Variants in NSFL1C observed in about 807,000 individuals in gnomAD.
The protein encoded by NSFL1C is NSFL1 cofactor.
A neutral mutation model predicts 43.1 loss-of-function variants in NSFL1C; 14 were observed. The ratio of observed to expected loss-of-function variants is 0.32; its 90% CI spans 0.21 to 0.51. The LOEUF is 0.51. Ranked by LOEUF, NSFL1C falls within the 20% of genes least tolerant of loss-of-function variation. NSFL1C has a pLI of 0.98. For missense variants in NSFL1C, 406 were observed against 472.5 expected, an observed-to-expected ratio of 0.86 and a Z score of 1.30; for synonymous variants, 171 against 183.5, an observed-to-expected ratio of 0.93 and a Z score of 0.55.
intron 7 of NSFL1C, among the ~76,000 whole-genome samples, chr20:1,449,164 T>C (rs904954331): frequency 6.6e-6 from 1 of 152,074 alleles, no homozygotes; most frequent in Admixed American, 6.5e-5. Context: ...AGAATGGGGA[T>C]TAAAACAGGA....
chr20:1,451,548 A>G (rs2090181336), intron 7 of NSFL1C, among the ~76,000 whole-genome samples: 1 of 152,168 alleles, frequency 6.6e-6, no homozygotes, highest in South Asian at 2.1e-4. Context: ...AATATCCAAG[A>G]GCCTCAGCTT....
At chr20:1,464,888 A>G (rs1360943115) in intron 1 of NSFL1C, among the ~76,000 whole-genome samples, 3 of 152,206 alleles carry the variant, frequency 2.0e-5, no homozygotes, top group African/African-American at 4.8e-5. Context: ...TAAAGAGAGG[A>G]GCCAGGTTCC....
At chr20:1,450,721 C>A (rs1452257392) in intron 7 of NSFL1C, among the ~76,000 whole-genome samples, 1 of 152,148 alleles carries the variant, frequency 6.6e-6, no homozygotes, top group East Asian at 1.9e-4. Flanking sequence ...CCTTTTGAAA[C>A]AATAATCATA....
intron 2 of NSFL1C, chr20:1,464,008 C>A (rs894138540): frequency 6.6e-6 from 2 of 303,054 alleles, no homozygotes; most frequent in Non-Finnish European, 1.2e-5. Context: ...ACATCTATAG[C>A]ACCCTTGAAA....
chr20:1,443,727 G>A lies in NSFL1C; in HGVS notation c.*22C>T, dbSNP rs1372029657. On this transcript the variant is annotated 3_prime_UTR_variant, in exon 9 of 9. Coordinates refer to ENST00000216879, the MANE Select transcript of NSFL1C (RefSeq NM_016143.5). ...CTGGCCATGGGAAACACAGGAGGGAGGCCAGGCAGCTGGCTGGGCGGTTAT... is the reference window on the plus strand; with the variant it reads ...CTGGCCATGGGAAACACAGGAGGGAAGCCAGGCAGCTGGCTGGGCGGTTAT... The A allele has an allele frequency of 2.5e-6, 4 of 1,612,148 alleles. No homozygotes were observed. Among genetic ancestry groups the A allele is most frequent in the Non-Finnish European group, 3.4e-6 (4 of 1,178,544 alleles).
intron 3 of NSFL1C, among the ~76,000 whole-genome samples, chr20:1,457,646 T>C (rs1258106027): frequency 2.6e-5 from 4 of 152,342 alleles, no homozygotes; most frequent in African/African-American, 9.6e-5. Context: ...TTGTTCTAGA[T>C]TGGAATTGTT....
At chr20:1,459,464 A>G (rs2090368445) in intron 2 of NSFL1C, among the ~76,000 whole-genome samples, 1 of 152,220 alleles carries the variant, frequency 6.6e-6, no homozygotes, top group Non-Finnish European at 1.5e-5. Flanking sequence ...TTTTCTTCAT[A>G]AATTACCTAG....
intron 7 of NSFL1C, among the ~76,000 whole-genome samples, chr20:1,446,757 G>C (rs987181583): frequency 2.6e-5 from 4 of 152,132 alleles, no homozygotes; most frequent in African/African-American, 9.7e-5. Flanking sequence ...TTCACTCCCA[G>C]TCTTTCTCTT....
At chr20:1,446,942 T>C (rs1267240729) in intron 7 of NSFL1C, among the ~76,000 whole-genome samples, 3 of 152,076 alleles carry the variant, frequency 2.0e-5, no homozygotes, top group Non-Finnish European at 4.4e-5. Flanking sequence ...GTGTGTTCCA[T>C]AGGAAGGAAG....
At chr20:1,458,834 T>C (rs1435869546) in intron 2 of NSFL1C, among the ~76,000 whole-genome samples, 2 of 151,900 alleles carry the variant, frequency 1.3e-5, no homozygotes, top group African/African-American at 4.8e-5. Context: ...GAAGTAGGAA[T>C]GAATGAATAC....
intron 7 of NSFL1C, among the ~76,000 whole-genome samples, chr20:1,450,418 T>C (rs1160019732): frequency 2.0e-5 from 3 of 152,212 alleles, no homozygotes; most frequent in Non-Finnish European, 4.4e-5. Context: ...GTGAACACTT[T>C]GTTGATAAAC....
chr20:1,447,507 A>G (rs2090085285), intron 7 of NSFL1C, among the ~76,000 whole-genome samples: 1 of 151,692 alleles, frequency 6.6e-6, no homozygotes, highest in Non-Finnish European at 1.5e-5. Context: ...GGCCCAAAGC[A>G]ATTCTTCCAA....
chr20:1,466,764 C>A lies in NSFL1C; in HGVS notation c.61G>T (p.Asp21Tyr). 1 of 1,563,530 alleles carries A rather than the reference C, an allele frequency of 6.4e-7. No individual in the cohort carries two copies. The highest frequency in any genetic ancestry group is 2.4e-5 in the East Asian group (1 of 41,334). ...GACTCGAGAAAGAAGCGGGCCCGGT[C>A]CTCCTCGGCGCCCGTCACCGCCACG... ...EFVAVTGAEEDRARFFLESAG... is the reference protein window; with the variant it reads ...EFVAVTGAEEYRARFFLESAG... The change falls in exon 1 of 9, where the codon GAC becomes TAC. Residue 21 changes from aspartate (D) to tyrosine (Y), a missense_variant. By Grantham distance (160) the Asp-to-Tyr change is radical. Transcript: ENST00000216879.
chr20:1,455,608 C>T (rs2090281578), intron 3 of NSFL1C: 1 of 775,936 alleles, frequency 1.3e-6, no homozygotes, highest in Admixed American at 1.7e-5. Context: ...AGCTAGGCTC[C>T]AGTCTTGGCT....
chr20:1,443,401 A>G lies in NSFL1C; in HGVS notation c.*348T>C, dbSNP rs2089990428. The G allele has an allele frequency of 5.3e-6, 1 of 188,238 alleles. No individual in the cohort carries two copies. The highest frequency in any genetic ancestry group is 5.5e-5 in the Admixed American group (1 of 18,314). 11.7% of individuals were successfully genotyped at this position (188,238 alleles called of 1,614,324 possible). ...TGCCACAAGTTTTTATGCAGAGAAGATGGAAGGAAGTTTCCTCCCACAGGC... is the reference window on the plus strand; with the variant it reads ...TGCCACAAGTTTTTATGCAGAGAAGGTGGAAGGAAGTTTCCTCCCACAGGC... On this transcript the variant is annotated 3_prime_UTR_variant, in exon 9 of 9. Coordinates refer to ENST00000216879, the MANE Select transcript of NSFL1C (RefSeq NM_016143.5).
chr20:1,463,077 G>C (rs2090447418), intron 2 of NSFL1C, among the ~76,000 whole-genome samples: 1 of 152,174 alleles, frequency 6.6e-6, no homozygotes, highest in South Asian at 2.1e-4. Flanking sequence ...TTTTACTTAA[G>C]TGGCAGAGCT....
rs138410135 is a variant in NSFL1C, at chr20:1,457,669, C to T, written c.278+531G>A. Among the ~76,000 whole-genome samples the T allele has an allele frequency of 7.9e-4, 120 of 152,288 alleles. 2 individuals are homozygous for T. The East Asian group carries it at 0.016, about 20-fold the overall frequency. On this transcript the variant is annotated intron_variant, in intron 3 of 8. Coordinates refer to ENST00000216879, the MANE Select transcript of NSFL1C (RefSeq NM_016143.5). ...GATTGGAATTGTTCTAGATTCCACA[C>T]GAGAGCATGCTTTATTTGTGTTTCT...
At chr20:1,466,671 C>T (rs1444789602) in intron 1 of NSFL1C, 49 bp downstream of exon 1, 2 of 1,502,100 alleles carry the variant, frequency 1.3e-6, no homozygotes. Context: ...CAGGCGCCCG[C>T]TCCCAGCAGT....
intron 2 of NSFL1C, among the ~76,000 whole-genome samples, chr20:1,460,130 T>C (rs998547109): frequency 2.6e-5 from 4 of 152,284 alleles, no homozygotes; most frequent in Non-Finnish European, 5.9e-5. Flanking sequence ...TTTTCTCACA[T>C]GTAAATAAGA....
Sources: allele counts gnomAD v4.1 joint callset (sites outside exome capture counted in the v4.1 genomes callset), GRCh38; gene constraint gnomAD v4.1.1; transcripts MANE v1.5; gene names NCBI Gene and HGNC (gene_info 2026-07-23, HGNC 2026-07-21).